NAA40: variants seen among roughly 807,000 people sequenced by gnomAD.
The protein encoded by NAA40 is N-alpha-acetyltransferase 40, NatD catalytic subunit.
In NAA40, 26 loss-of-function variants were observed where a neutral mutation model predicts 36.6. The observed-to-expected ratio is 0.71, with a 90% CI of 0.52 to 0.98. The LOEUF (loss-of-function observed/expected upper bound fraction) is 0.98, where lower values mean the gene tolerates loss of function less well. NAA40 is among the 50% of genes least tolerant of loss of function. The pLI is 0.00. For synonymous variants in NAA40, 129 were observed against 108.4 expected (o/e 1.19, Z -1.18); for missense variants, 237 against 306.5 (o/e 0.77, Z 1.69).
intron 2 of NAA40, chr11:63,946,309 G>C: frequency 4.0e-6 from 1 of 249,664 alleles, no homozygotes; most frequent in East Asian, 9.7e-5. Flanking sequence ...TGCCGCCTGG[G>C]CCCAAGTGAT....
chr11:63,946,526 A>G (rs1316199955), intron 2 of NAA40: 2 of 1,145,432 alleles, frequency 1.7e-6, no homozygotes, highest in African/African-American at 3.2e-5. Context: ...TTAGTATCCC[A>G]TTTTTTGGTC....
intron 1 of NAA40, among the ~76,000 whole-genome samples, chr11:63,945,123 G>T (rs949692998): frequency 3.3e-5 from 5 of 152,318 alleles, no homozygotes; most frequent in African/African-American, 4.8e-5. Context: ...CCCACTTGCT[G>T]CTCCTCTGCT....
At chr11:63,946,205 A>ATT in intron 2 of NAA40, 1 of 420,920 alleles carries the variant, frequency 2.4e-6, no homozygotes. Context: ...GATCTAGATA[A>ATT]TTTTTTTTTC....
intron 1 of NAA40, among the ~76,000 whole-genome samples, chr11:63,939,838 G>A (rs1316338727): frequency 2.0e-5 from 3 of 152,120 alleles, no homozygotes; most frequent in Non-Finnish European, 4.4e-5. Flanking sequence ...GGAGGCGGGG[G>A]CGGCGGCCCA....
intron 6 of NAA40, among the ~76,000 whole-genome samples, chr11:63,953,069 ACAGAGTTTC>A (rs1298188276): frequency 1.4e-5 from 1 of 71,182 alleles, no homozygotes; most frequent in Non-Finnish European, 2.7e-5. Flanking sequence ...TTTTTTTGAG[ACAGAGTTTC>A]ACTCTTGTTG....
intron 1 of NAA40, among the ~76,000 whole-genome samples, chr11:63,942,662 A>G (rs1342849576): frequency 6.6e-6 from 1 of 152,226 alleles, no homozygotes; most frequent in Non-Finnish European, 1.5e-5. Flanking sequence ...TCCCTGTAGG[A>G]CAGCCTTACT....
intron 6 of NAA40, 63 bp from the exon 7 acceptor site, chr11:63,953,909 T>A: frequency 6.9e-7 from 1 of 1,442,784 alleles, no homozygotes; most frequent in Non-Finnish European, 9.7e-7. Flanking sequence ...GGATTACAGG[T>A]GCATGCCACC....
In NAA40 at chr11:63,954,228, C is replaced by T. The variant is rs1206489319; in HGVS notation, c.573-110C>T. On this transcript the variant is annotated intron_variant, in intron 7 of 7. Coordinates refer to ENST00000377793, the MANE Select transcript of NAA40 (RefSeq NM_024771.4). ...GATTTGGTCCACTGTCCACCTCCTG[C>T]ACCCTCATCCTAAGGGTCTCATCAG... 2.8e-6 allele frequency: 4 copies of T among 1,445,482 alleles called. No individual in the cohort carries two copies. The African/African-American group carries it at 4.3e-5, about 15-fold the overall frequency. 89.5% of individuals were successfully genotyped at this position (1,445,482 alleles called of 1,614,324 possible).
At chr11:63,950,113 G>GTTTT (rs1362519066) in intron 3 of NAA40, among the ~76,000 whole-genome samples, 2 of 103,996 alleles carry the variant, frequency 1.9e-5, no homozygotes, top group African/African-American at 9.5e-5. Flanking sequence ...CTGGTATGAG[G>GTTTT]TTTTTTTTGT....
chr11:63,947,612 G>A (rs185582950), intron 3 of NAA40, among the ~76,000 whole-genome samples: 231 of 150,924 alleles, frequency 1.5e-3, no homozygotes, highest in Non-Finnish European at 2.6e-3. Context: ...GTGCAGTGAC[G>A]CAATCTCGGC....
rs751618856 is a variant in NAA40 at position 63,946,956 on chromosome 11, A to G, written c.108A>G (p.Gly36=). The change falls in exon 3 of 8, where the codon GGA becomes GGG. Residue 36 remains glycine (G), a synonymous_variant. Transcript: ENST00000377793. ...CAKVDAANRL[G]DPLEAFPVFK... ...TCTTTTCTTTCCCTCCACAGCTTGGAGACCCTCTGGAGGCTTTCCCAGTGT... is the reference window on the plus strand; with the variant it reads ...TCTTTTCTTTCCCTCCACAGCTTGGGGACCCTCTGGAGGCTTTCCCAGTGT... 1.2e-6 allele frequency: 2 copies of G among 1,614,100 alleles called. No individual in the cohort carries two copies. The highest frequency in any genetic ancestry group is 1.1e-5 in the South Asian group (1 of 91,080).
chr11:63,946,686 A>G (rs1366961585), intron 2 of NAA40: 2 of 1,470,720 alleles, frequency 1.4e-6, no homozygotes, highest in South Asian at 1.3e-5. Flanking sequence ...AGCAGGTTGT[A>G]TGCCCACAGG....
Position 63,954,161 on chromosome 11 carries a change from A to T in NAA40, c.572+112A>T, listed in dbSNP as rs567449848. The T allele has an allele frequency of 9.1e-5, 125 of 1,369,916 alleles. No individual in the cohort carries two copies. The Middle Eastern group carries it at 1.8e-3, about 19-fold the overall frequency. 84.9% of individuals were successfully genotyped at this position (1,369,916 alleles called of 1,614,324 possible). On this transcript the variant is annotated intron_variant, in intron 7 of 7. Transcript: ENST00000377793. ...GCCTGAGCTCATGGTCCAGTGGTCCATGGGGGTTCAGGTTCAGGGAGATGG... is the reference window on the plus strand; with the variant it reads ...GCCTGAGCTCATGGTCCAGTGGTCCTTGGGGGTTCAGGTTCAGGGAGATGG...
At chr11:63,952,867 T>C (rs1287957652) in intron 6 of NAA40, 28 bp downstream of exon 6, 3 of 1,590,740 alleles carry the variant, frequency 1.9e-6, no homozygotes, top group Non-Finnish European at 2.6e-6. Context: ...AGGAGGCCCA[T>C]ATAGCACTCA....
chr11:63,952,878 G>T (rs1476798634), intron 6 of NAA40, 39 bp downstream of exon 6: 5 of 1,568,074 alleles, frequency 3.2e-6, no homozygotes, highest in Non-Finnish European at 4.4e-6. Context: ...ATAGCACTCA[G>T]TTGGAAGGAG....
intron 2 of NAA40, 192 bp downstream of exon 2, chr11:63,946,127 T>C (rs1942182514): frequency 1.7e-6 from 1 of 586,886 alleles, no homozygotes; most frequent in African/African-American, 1.9e-5. Context: ...GCCCAGGTGT[T>C]TGGGAAAACG....
intron 1 of NAA40, among the ~76,000 whole-genome samples, chr11:63,944,882 G>A (rs562022321): frequency 7.9e-6 from 1 of 127,190 alleles, no homozygotes; most frequent in East Asian, 2.3e-4. Flanking sequence ...CAGCTTGGGT[G>A]AAAGAGTGAG....
intron 3 of NAA40, chr11:63,952,036 C>T (rs957698016): frequency 1.1e-5 from 6 of 537,144 alleles, no homozygotes; most frequent in African/African-American, 1.9e-5. Flanking sequence ...GGGGGTGGGC[C>T]GTGTGGCCAC....
At chr11:63,948,586 C>T (rs569836633) in intron 3 of NAA40, among the ~76,000 whole-genome samples, 11 of 152,038 alleles carry the variant, frequency 7.2e-5, no homozygotes, top group Non-Finnish European at 1.3e-4. Context: ...GGCATGGTGG[C>T]GGGCACCTGT....
Sources: gnomAD v4.1 joint callset for allele counts (sites outside exome capture counted in the v4.1 genomes callset) on GRCh38, gnomAD v4.1.1 for gene constraint, MANE v1.5 for transcripts, NCBI Gene and HGNC (gene_info 2026-07-23, HGNC 2026-07-21) for gene names.